The following DAGLA variants were observed in gnomAD, a reference collection of about 807,000 sequenced individuals.
DAGLA encodes diacylglycerol lipase alpha, also known as diacylglycerol lipase-alpha.
DAGLA carries 22 observed loss-of-function variants against 102.6 expected under a neutral mutation model. The ratio of observed to expected loss-of-function variants is 0.21; its 90% CI spans 0.15 to 0.31. DAGLA has a LOEUF of 0.31. DAGLA is among the 10% of genes least tolerant of loss of function. DAGLA has a pLI of 1.00. For missense variants in DAGLA, 927 were observed against 1,446.6 expected (o/e 0.64, Z 5.83); for synonymous variants, 578 against 628.9 (o/e 0.92, Z 1.21).
intron 1 of DAGLA, among the ~76,000 whole-genome samples, chr11:61,682,812 G>A (rs1351514744): frequency 1.3e-5 from 2 of 148,646 alleles, no homozygotes; most frequent in African/African-American, 4.9e-5. Flanking sequence ...CTCAGGTCTG[G>A]ATGGTTCTGC....
Position 61,739,448 on chromosome 11 carries a change from C to A in DAGLA, c.1657-17C>A, listed in dbSNP as rs751235672. On this transcript the variant is annotated splice_polypyrimidine_tract_variant and intron_variant, in intron 16 of 19. Transcript: ENST00000257215. ...TACTTAGCTCTGTCCCCATCTCTCC[C>A]ACTCCACCCCGCGCAGTGGCGGATC... 2.5e-6 allele frequency: 4 copies of A among 1,611,234 alleles called. No individual in the cohort carries two copies. Among genetic ancestry groups the A allele is most frequent in the Non-Finnish European group, 3.4e-6 (4 of 1,179,536 alleles).
At chr11:61,733,083 G>A (rs7925937) in intron 9 of DAGLA, among the ~76,000 whole-genome samples, 6 of 152,234 alleles carry the variant, frequency 3.9e-5, no homozygotes, top group Admixed American at 3.9e-4. Flanking sequence ...GACCATTTCT[G>A]CATCTTGGAC....
intron 1 of DAGLA, among the ~76,000 whole-genome samples, chr11:61,681,437 A>G (rs2064941384): frequency 6.6e-6 from 1 of 152,060 alleles, no homozygotes; most frequent in African/African-American, 2.4e-5. Context: ...GATGATTTTC[A>G]GTGGTGATCG....
chr11:61,717,573 T>A (rs1219059169), intron 1 of DAGLA, among the ~76,000 whole-genome samples: 1 of 152,174 alleles, frequency 6.6e-6, no homozygotes, highest in African/African-American at 2.4e-5. Context: ...CAAATCGACA[T>A]TTTACAGTTG....
chr11:61,725,286 G>A (rs2135587110), intron 5 of DAGLA, among the ~76,000 whole-genome samples: 1 of 152,262 alleles, frequency 6.6e-6, no homozygotes, highest in East Asian at 1.9e-4. Context: ...CCATTGCTCT[G>A]CCTTTGGGTA....
chr11:61,705,389 C>T (rs1449332669), intron 1 of DAGLA, among the ~76,000 whole-genome samples: 1 of 152,196 alleles, frequency 6.6e-6, no homozygotes, highest in South Asian at 2.1e-4. Flanking sequence ...AGCCTGCCTG[C>T]TTTGGCCTCC....
chr11:61,738,388 C>T (rs574567442), intron 16 of DAGLA, among the ~76,000 whole-genome samples, 181 bp downstream of exon 16: 40 of 152,328 alleles, frequency 2.6e-4, no homozygotes, highest in African/African-American at 8.7e-4. Flanking sequence ...TCAACCCATC[C>T]ATCCCCTGTC....
At chr11:61,742,792 T>A (rs1457515338) in intron 19 of DAGLA, among the ~76,000 whole-genome samples, 1 of 80,128 alleles carries the variant, frequency 1.2e-5, no homozygotes, top group East Asian at 3.7e-4. Context: ...CCCTTCCTCC[T>A]TCCCTCCCTC....
At chr11:61,739,720 G>A in intron 17 of DAGLA, 59 bp downstream of exon 17, 2 of 1,541,876 alleles carry the variant, frequency 1.3e-6, no homozygotes. Flanking sequence ...GGGCAGTGGA[G>A]AGCAGGGCCG....
chr11:61,741,472 C>T (rs2065479302), intron 19 of DAGLA, 123 bp downstream of exon 19: 2 of 1,078,072 alleles, frequency 1.9e-6, no homozygotes, highest in South Asian at 3.2e-5. Context: ...CAGGAGGGGT[C>T]AAACTCACCC....
chr11:61,734,786 G>A lies in DAGLA; in HGVS notation c.975-63G>A. The stretch of plus-strand genomic sequence containing the variant: ...ACTGGAACTGGTTCCAGGGACAGTG[G>A]CAGGAGACATTTGTTCCCTCGGGGA... On this transcript the variant is annotated intron_variant, in intron 9 of 19. Transcript: ENST00000257215. This position sits in a 1 kb window ranked among gnomAD's most constrained non-coding sequence, Gnocchi z 4.2. The A allele has an allele frequency of 6.6e-7, 1 of 1,507,454 alleles. No individual in the cohort carries two copies. 93.4% of individuals were successfully genotyped at this position (1,507,454 alleles called of 1,614,324 possible).
chr11:61,743,589 G>A lies in DAGLA; in HGVS notation c.2229G>A (p.Ser743=), dbSNP rs377513243. Residue 743 remains serine (S), a synonymous_variant, in exon 20 of 20, where the codon TCG becomes TCA. Transcript: ENST00000257215. ...LEGFSEGRLL[S]PVVAAAARQD... The stretch of plus-strand genomic sequence containing the variant: ...GCTTCTCGGAGGGGCGGCTGCTGTC[G>A]CCAGTGGTTGCGGCGGCGGCCCGCC... 69 of 1,567,440 alleles carry A rather than the reference G, an allele frequency of 4.4e-5. No homozygotes were observed. Among genetic ancestry groups the A allele is most frequent in the East Asian group, 6.7e-5 (3 of 44,542 alleles).
intron 1 of DAGLA, among the ~76,000 whole-genome samples, chr11:61,698,058 C>T (rs954172115): frequency 1.3e-5 from 2 of 152,240 alleles, no homozygotes; most frequent in Non-Finnish European, 2.9e-5. Context: ...GCCCTTATCA[C>T]CCTTATGTTT....
chr11:61,724,642 T>G (rs112151129), intron 5 of DAGLA, among the ~76,000 whole-genome samples: 1 of 152,192 alleles, frequency 6.6e-6, no homozygotes, highest in Non-Finnish European at 1.5e-5. Flanking sequence ...AGCTCAGCAC[T>G]GCAGCCAGAG....
At chr11:61,718,011 G>A (rs2065250357) in intron 1 of DAGLA, among the ~76,000 whole-genome samples, 2 of 152,222 alleles carry the variant, frequency 1.3e-5, no homozygotes, top group South Asian at 2.1e-4. Context: ...GGTGGATGGT[G>A]TGTGATCTCG....
intron 4 of DAGLA, 44 bp from the exon 5 acceptor site, chr11:61,723,390 T>G: frequency 6.3e-7 from 1 of 1,593,116 alleles, no homozygotes; most frequent in Non-Finnish European, 8.6e-7. Context: ...GCCAGAGAGG[T>G]GTCCCCAGCG....
At chr11:61,720,552 T>C in intron 2 of DAGLA, 127 bp from the exon 3 acceptor site, 2 of 858,602 alleles carry the variant, frequency 2.3e-6, no homozygotes, top group Non-Finnish European at 3.7e-6. Flanking sequence ...ACAATGGTCT[T>C]ATGGAGGAGG....
At chr11:61,733,683 T>A (rs1280280522) in intron 9 of DAGLA, among the ~76,000 whole-genome samples, 2 of 152,196 alleles carry the variant, frequency 1.3e-5, no homozygotes, top group African/African-American at 4.8e-5. Context: ...GTGGGGAGGC[T>A]ACTGTGTACC....
At chr11:61,683,089 G>C (rs1040276272) in intron 1 of DAGLA, among the ~76,000 whole-genome samples, 1 of 152,230 alleles carries the variant, frequency 6.6e-6, no homozygotes, top group African/African-American at 2.4e-5. Flanking sequence ...GCCCCATGGC[G>C]CTGGAAGTCC....
Sources: gnomAD v4.1 joint callset for allele counts (sites outside exome capture counted in the v4.1 genomes callset) on GRCh38, gnomAD v4.1.1 for gene constraint, Gnocchi (gnomAD v3.1) non-coding constraint, MANE v1.5 for transcripts, NCBI Gene and HGNC (gene_info 2026-07-23, HGNC 2026-07-21) for gene names.